The following DLGAP1 variants were observed in gnomAD, a reference collection of about 807,000 sequenced individuals.
The protein encoded by DLGAP1 is DLG associated protein 1, also known as disks large-associated protein 1.
A neutral mutation model predicts 90.8 loss-of-function variants in DLGAP1; 11 were observed. That is an observed-to-expected ratio of 0.12 (90% CI 0.08 to 0.20). The LOEUF is 0.20. Ranked by LOEUF, DLGAP1 falls within the 10% of genes least tolerant of loss-of-function variation. The pLI, the probability that DLGAP1 is intolerant of heterozygous loss-of-function variation, is 1.00. For missense variants in DLGAP1, 1,050 were observed against 1,333.8 expected, an observed-to-expected ratio of 0.79 and a Z score of 3.31; for synonymous variants, 558 against 540.7, an observed-to-expected ratio of 1.03 and a Z score of -0.44.
chr18:3,944,268 C>T (rs1261212016), intron 3 of DLGAP1, among the ~76,000 whole-genome samples: 3 of 152,148 alleles, frequency 2.0e-5, no homozygotes, highest in African/African-American at 2.4e-5. Flanking sequence ...GAAGCTGAGG[C>T]GAGTGGATCA....
intron 4 of DLGAP1, among the ~76,000 whole-genome samples, chr18:3,817,120 AG>A (rs33910114): frequency 0.76 from 115,639 of 152,036 alleles, 44,234 homozygotes; most frequent in African/African-American, 0.83. Flanking sequence ...GGTACAGCTG[AG>A]GGTCATAGAT....
At chr18:3,876,730 T>C (rs563210012) in intron 4 of DLGAP1, among the ~76,000 whole-genome samples, 1 of 152,300 alleles carries the variant, frequency 6.6e-6, no homozygotes, top group South Asian at 2.1e-4. Context: ...TTTTTCTTTA[T>C]ACCTTTCTGT....
In DLGAP1 at chr18:3,796,302, T is replaced by C. The variant is rs1328146106; in HGVS notation, c.1172+17757A>G. Among the ~76,000 whole-genome samples the C allele has an allele frequency of 2.7e-5, 4 of 150,778 alleles. No homozygotes were observed. In the South Asian group the frequency reaches 8.4e-4, roughly 32 times the overall value. ...CATTTCTCACTGGCATTTAATACTA[T>C]GGAAAACATTCTGGTTGTGGAGTGT... On this transcript the variant is annotated intron_variant, in intron 5 of 12. Transcript: ENST00000315677.
At chr18:4,252,839 A>C (rs1302527415) in intron 1 of DLGAP1, among the ~76,000 whole-genome samples, 3 of 152,210 alleles carry the variant, frequency 2.0e-5, no homozygotes, top group African/African-American at 7.2e-5. Context: ...CACACATCAC[A>C]ATGGCTGTAG....
At chr18:4,435,376 C>T (rs1320600282) in intron 1 of DLGAP1, among the ~76,000 whole-genome samples, 1 of 151,840 alleles carries the variant, frequency 6.6e-6, no homozygotes, top group Non-Finnish European at 1.5e-5. Context: ...AATATAGTCA[C>T]ATAAAAATAC....
chr18:4,368,634 CA>C (rs1347093767), intron 1 of DLGAP1, among the ~76,000 whole-genome samples: 29 of 31,722 alleles, frequency 9.1e-4, no homozygotes, highest in Admixed American at 5.7e-3. Flanking sequence ...CTCTCTCTCT[CA>C]TACACACACA....
intron 2 of DLGAP1, among the ~76,000 whole-genome samples, chr18:4,059,486 T>A (rs1025394830): frequency 3.3e-5 from 5 of 152,148 alleles, no homozygotes; most frequent in African/African-American, 1.2e-4. Flanking sequence ...CCAAGACAGG[T>A]GGATCACCTG....
chr18:3,938,880 A>C (rs1407536530), intron 3 of DLGAP1, among the ~76,000 whole-genome samples: 1 of 152,192 alleles, frequency 6.6e-6, no homozygotes, highest in Non-Finnish European at 1.5e-5. Flanking sequence ...AGCAGGTGGC[A>C]GAATAATCCA....
At chr18:4,200,965 A>G (rs1264017374) in intron 1 of DLGAP1, among the ~76,000 whole-genome samples, 1 of 152,058 alleles carries the variant, frequency 6.6e-6, no homozygotes, top group Non-Finnish European at 1.5e-5. Context: ...TATTTCCACA[A>G]CTTCACAACA....
At chr18:3,785,927 G>C (rs950483571) in intron 5 of DLGAP1, among the ~76,000 whole-genome samples, 1 of 152,146 alleles carries the variant, frequency 6.6e-6, no homozygotes, top group Admixed American at 6.5e-5. Flanking sequence ...AAGTGTGCTG[G>C]CTTCCTTCAG....
chr18:3,504,652 G>A (rs996137617), intron 11 of DLGAP1, among the ~76,000 whole-genome samples: 1 of 152,074 alleles, frequency 6.6e-6, no homozygotes, highest in Non-Finnish European at 1.5e-5. Flanking sequence ...CCAAGTGCTG[G>A]GATTACAGGT....
chr18:4,347,678 T>C (rs1313219792), intron 1 of DLGAP1, among the ~76,000 whole-genome samples: 2 of 152,030 alleles, frequency 1.3e-5, no homozygotes, highest in South Asian at 2.1e-4. Context: ...TAAAAATATA[T>C]ATTTGTCAAT....
chr18:4,098,697 A>G (rs1313004703), intron 2 of DLGAP1, among the ~76,000 whole-genome samples: 1 of 152,254 alleles, frequency 6.6e-6, no homozygotes, highest in African/African-American at 2.4e-5. Context: ...GGAAGAAAGA[A>G]TAAGGACAAA....
intron 9 of DLGAP1, among the ~76,000 whole-genome samples, chr18:3,551,308 G>T (rs1218628063): frequency 6.6e-6 from 1 of 151,696 alleles, no homozygotes; most frequent in East Asian, 1.9e-4. Flanking sequence ...CTGGAATGTA[G>T]TGGTGGTCTT....
intron 2 of DLGAP1, among the ~76,000 whole-genome samples, chr18:4,128,136 A>T (rs577602508): frequency 6.6e-6 from 1 of 152,318 alleles, no homozygotes; most frequent in Admixed American, 6.5e-5. Flanking sequence ...TGGGTTCAAC[A>T]TCCGTGGATA....
intron 7 of DLGAP1, among the ~76,000 whole-genome samples, chr18:3,646,817 C>G (rs966425674): frequency 2.6e-5 from 4 of 151,768 alleles, no homozygotes; most frequent in Admixed American, 2.6e-4. Flanking sequence ...CCCAGCTACT[C>G]GGGAGGCTGA....
chr18:4,447,292 A>T (rs2083692293), intron 1 of DLGAP1, among the ~76,000 whole-genome samples: 1 of 152,226 alleles, frequency 6.6e-6, no homozygotes, highest in African/African-American at 2.4e-5. Flanking sequence ...ACAGTTCTAC[A>T]ATGGAATACC....
chr18:3,792,029 T>C (rs911539580), intron 5 of DLGAP1, among the ~76,000 whole-genome samples: 4 of 152,188 alleles, frequency 2.6e-5, no homozygotes, highest in African/African-American at 7.2e-5. Context: ...CACCCCACTA[T>C]AGCTGGCTGG....
intron 3 of DLGAP1, among the ~76,000 whole-genome samples, chr18:3,944,135 A>G (rs2072829323): frequency 6.6e-6 from 1 of 152,192 alleles, no homozygotes; most frequent in Non-Finnish European, 1.5e-5. Flanking sequence ...CTGTGTGTGT[A>G]GTGACGAGAT....
Sources: gnomAD v4.1 joint callset for allele counts (sites outside exome capture counted in the v4.1 genomes callset) on GRCh38, gnomAD v4.1.1 for gene constraint, MANE v1.5 for transcripts, NCBI Gene and HGNC (gene_info 2026-07-23, HGNC 2026-07-21) for gene names.